Variants in PLPPR1 observed in about 807,000 individuals in gnomAD.
The protein encoded by PLPPR1 is phospholipid phosphatase-related protein type 1.
In PLPPR1, 10 loss-of-function variants were observed where a neutral mutation model predicts 33.1. The observed-to-expected ratio is 0.30, with a 90% CI of 0.19 to 0.51. PLPPR1 has a LOEUF of 0.51. Among genes scored for constraint, PLPPR1 ranks in the 20% least tolerant of loss-of-function variants. PLPPR1 has a pLI of 0.97. For missense variants in PLPPR1, 304 were observed against 408.1 expected, an observed-to-expected ratio of 0.74 and a Z score of 2.20; for synonymous variants, 151 against 151.0, an observed-to-expected ratio of 1.00 and a Z score of 0.00.
intron 1 of PLPPR1, 84 bp from the exon 2 acceptor site, chr9:101,185,366 T>C: frequency 3.8e-6 from 2 of 532,324 alleles, no homozygotes; most frequent in South Asian, 7.1e-5. Context: ...AAAGCTGATA[T>C]CTAGTAGCTG....
intron 1 of PLPPR1, among the ~76,000 whole-genome samples, chr9:101,167,024 T>C (rs1408235787): frequency 7.2e-6 from 1 of 139,818 alleles, no homozygotes; most frequent in Non-Finnish European, 1.5e-5. Context: ...CAGTGATTTC[T>C]GAGGGTGCCA....
At chr9:101,076,601 T>C (rs1235264961) in intron 1 of PLPPR1, among the ~76,000 whole-genome samples, 1 of 152,234 alleles carries the variant, frequency 6.6e-6, no homozygotes, top group Non-Finnish European at 1.5e-5. Flanking sequence ...CTTGTGGAAA[T>C]GCAAACCCAT....
intron 4 of PLPPR1, among the ~76,000 whole-genome samples, chr9:101,294,919 C>T (rs1288097121): frequency 6.6e-6 from 1 of 152,192 alleles, no homozygotes; most frequent in Non-Finnish European, 1.5e-5. Flanking sequence ...TCTACTACTC[C>T]TATTCGACAT....
chr9:101,224,066 G>C (rs1827009205), intron 2 of PLPPR1, among the ~76,000 whole-genome samples: 1 of 152,040 alleles, frequency 6.6e-6, no homozygotes, highest in Non-Finnish European at 1.5e-5. Context: ...ATATTATAGA[G>C]ATGGAATAAC....
chr9:101,072,111 TTAGA>T (rs1203625186), intron 1 of PLPPR1, among the ~76,000 whole-genome samples: 66 of 152,110 alleles, frequency 4.3e-4, no homozygotes, highest in African/African-American at 1.4e-3. Context: ...AGTGTATTAG[TTAGA>T]TAGCCTATTT....
intron 2 of PLPPR1, among the ~76,000 whole-genome samples, chr9:101,189,786 A>G (rs1284112154): frequency 6.6e-6 from 1 of 151,814 alleles, no homozygotes; most frequent in Non-Finnish European, 1.5e-5. Context: ...TGTGTTTTTA[A>G]AATTATTTTT....
intron 1 of PLPPR1, among the ~76,000 whole-genome samples, chr9:101,123,213 C>A (rs1453217671): frequency 1.3e-5 from 2 of 152,104 alleles, no homozygotes; most frequent in Non-Finnish European, 2.9e-5. Flanking sequence ...TATTGAATAG[C>A]TCTATCTATA....
intron 1 of PLPPR1, among the ~76,000 whole-genome samples, chr9:101,074,133 G>A (rs572239826): frequency 7.2e-5 from 11 of 152,196 alleles, no homozygotes; most frequent in East Asian, 1.9e-4. Flanking sequence ...GGGGTATACC[G>A]ATGCATCAGG....
chr9:101,094,277 T>A (rs796716883), intron 1 of PLPPR1, among the ~76,000 whole-genome samples: 1 of 152,316 alleles, frequency 6.6e-6, no homozygotes, highest in African/African-American at 2.4e-5. Flanking sequence ...GCTCGCATTT[T>A]TTCTATTCTC....
intron 2 of PLPPR1, among the ~76,000 whole-genome samples, chr9:101,215,538 G>A (rs867584788): frequency 1.3e-4 from 20 of 152,136 alleles, no homozygotes; most frequent in African/African-American, 4.3e-4. Flanking sequence ...CTAAGTGCAG[G>A]GATTACAGGT....
At chr9:101,305,422 G>A (rs746367146) in intron 4 of PLPPR1, among the ~76,000 whole-genome samples, 4 of 152,144 alleles carry the variant, frequency 2.6e-5, no homozygotes, top group Non-Finnish European at 4.4e-5. Context: ...ATCAGAGGCT[G>A]TCAGCAAAGT....
chr9:101,308,523 A>C (rs962739213), intron 4 of PLPPR1, among the ~76,000 whole-genome samples: 1 of 152,232 alleles, frequency 6.6e-6, no homozygotes, highest in Non-Finnish European at 1.5e-5. Flanking sequence ...GGTTTGTGGT[A>C]ATTTGTTATA....
At chr9:101,205,331 G>A (rs1826568497) in intron 2 of PLPPR1, among the ~76,000 whole-genome samples, 2 of 152,170 alleles carry the variant, frequency 1.3e-5, no homozygotes, top group South Asian at 4.1e-4. Context: ...GCTGTTGGCA[G>A]GTGGATCTTA....
At chr9:101,274,451 T>C (rs1005295548) in intron 3 of PLPPR1, among the ~76,000 whole-genome samples, 1 of 152,194 alleles carries the variant, frequency 6.6e-6, no homozygotes, top group Non-Finnish European at 1.5e-5. Context: ...ATGAGGGGCA[T>C]TGGTAGGAAC....
At chr9:101,082,974 A>T (rs1431302644) in intron 1 of PLPPR1, among the ~76,000 whole-genome samples, 1 of 152,150 alleles carries the variant, frequency 6.6e-6, no homozygotes, top group Non-Finnish European at 1.5e-5. Flanking sequence ...CTATTCAAAG[A>T]TACCGAATAT....
Position 101,156,110 on chromosome 9 carries a change from A to G in PLPPR1, c.-45-29340A>G, listed in dbSNP as rs76666633. ...TGTCCTCATGAAATGAATAGTCTAA[A>G]AGGAAGATGGGAATTCAGCATATAT... On this transcript the variant is annotated intron_variant, in intron 1 of 7. Transcript: ENST00000374874. Among the ~76,000 whole-genome samples, 1,031 of 152,332 alleles carry G rather than the reference A, an allele frequency of 6.8e-3. 12 individuals carry two copies. The highest frequency in any genetic ancestry group is 0.023 in the African/African-American group (956 of 41,566).
At chr9:101,150,910 G>A (rs1831576479) in intron 1 of PLPPR1, among the ~76,000 whole-genome samples, 1 of 151,928 alleles carries the variant, frequency 6.6e-6, no homozygotes, top group Non-Finnish European at 1.5e-5. Context: ...GGTGCAGTCT[G>A]CTTTCTACTT....
intron 1 of PLPPR1, among the ~76,000 whole-genome samples, chr9:101,096,283 A>T (rs7848935): frequency 6.6e-6 from 1 of 151,982 alleles, no homozygotes; most frequent in Non-Finnish European, 1.5e-5. Flanking sequence ...AAGAAGAATA[A>T]CATAATCACA....
At chr9:101,221,572 C>T (rs762293386) in intron 2 of PLPPR1, among the ~76,000 whole-genome samples, 10 of 152,188 alleles carry the variant, frequency 6.6e-5, no homozygotes, top group Non-Finnish European at 1.5e-5. Flanking sequence ...GCACTTACTG[C>T]ATGCCACACC....
Sources: gnomAD v4.1 joint callset for allele counts (sites outside exome capture counted in the v4.1 genomes callset) on GRCh38, gnomAD v4.1.1 for gene constraint, MANE v1.5 for transcripts, NCBI Gene and HGNC (gene_info 2026-07-23, HGNC 2026-07-21) for gene names.